The following PRKAR1B variants were observed in gnomAD, a reference collection of about 807,000 sequenced individuals.
PRKAR1B encodes the protein cAMP-dependent protein kinase type I-beta regulatory subunit.
Under a neutral mutation model 46.5 loss-of-function variants are expected in PRKAR1B, and 22 were observed. The ratio of observed to expected loss-of-function variants is 0.47; its 90% CI spans 0.34 to 0.68. The LOEUF (loss-of-function observed/expected upper bound fraction) is 0.68. PRKAR1B is among the 30% of genes least tolerant of loss of function. PRKAR1B has a pLI of 0.01. For missense variants in PRKAR1B, 445 were observed against 535.6 expected (o/e 0.83, Z 1.67); for synonymous variants, 259 against 217.7 (o/e 1.19, Z -1.67).
At chr7:638,802 C>A (rs193263172) in intron 4 of PRKAR1B, among the ~76,000 whole-genome samples, 1 of 152,180 alleles carries the variant, frequency 6.6e-6, no homozygotes, top group Non-Finnish European at 1.5e-5. Context: ...TGCGGCCGGG[C>A]GCGGGGGCTC....
intron 4 of PRKAR1B, among the ~76,000 whole-genome samples, chr7:642,687 C>T (rs1300583626): frequency 2.7e-5 from 4 of 150,726 alleles, no homozygotes; most frequent in Non-Finnish European, 4.4e-5. Context: ...GAGCCGAGAT[C>T]CCGCCACTGC....
intron 8 of PRKAR1B, among the ~76,000 whole-genome samples, chr7:580,344 A>C (rs1338342591): frequency 1.3e-5 from 2 of 151,810 alleles, no homozygotes; most frequent in Non-Finnish European, 2.9e-5. Flanking sequence ...GCCTGAGCTC[A>C]GGAGTTCGAG....
At chr7:697,040 AG>A (rs1222474825) in intron 2 of PRKAR1B, 2 of 152,204 alleles carry the variant, frequency 1.3e-5, no homozygotes, top group Admixed American at 1.3e-4. Context: ...TCTGAGCTGC[AG>A]GACGGTCGAG....
At chr7:583,665 C>T (rs1471873693) in intron 8 of PRKAR1B, among the ~76,000 whole-genome samples, 1 of 146,354 alleles carries the variant, frequency 6.8e-6, no homozygotes, top group Admixed American at 6.7e-5. Context: ...CATGCGCACA[C>T]ACCCACACAC....
chr7:645,936 A>G (rs1192995851), intron 4 of PRKAR1B, among the ~76,000 whole-genome samples: 2 of 152,188 alleles, frequency 1.3e-5, no homozygotes, highest in Non-Finnish European at 2.9e-5. Flanking sequence ...GGTACCCGGA[A>G]AGGGCAGGAG....
chr7:550,820 G>A (rs1339394578), intron 10 of PRKAR1B, among the ~76,000 whole-genome samples: 3 of 152,328 alleles, frequency 2.0e-5, no homozygotes, highest in African/African-American at 4.8e-5. Context: ...TTCACGTTCA[G>A]CTAGCCATTG....
intron 1 of PRKAR1B, among the ~76,000 whole-genome samples, chr7:719,336 G>A (rs566347506): frequency 1.4e-4 from 22 of 151,792 alleles, no homozygotes; most frequent in East Asian, 5.8e-4. Context: ...CATTGTGCCC[G>A]GCCATAATTT....
intron 9 of PRKAR1B, among the ~76,000 whole-genome samples, chr7:574,282 C>T (rs951857986): frequency 8.5e-5 from 13 of 152,244 alleles, no homozygotes; most frequent in Admixed American, 1.3e-4. Context: ...CCTGCAGAGA[C>T]GGCTGAGAAG....
intron 8 of PRKAR1B, 31 bp downstream of exon 8, chr7:584,477 C>T (rs947903571): frequency 6.2e-7 from 1 of 1,607,000 alleles, no homozygotes; most frequent in Non-Finnish European, 8.5e-7. Context: ...GATGTCGGGA[C>T]ACACAGCCGT....
chr7:695,923 C>G (rs1210729828), intron 2 of PRKAR1B, among the ~76,000 whole-genome samples: 1 of 150,806 alleles, frequency 6.6e-6, no homozygotes, highest in East Asian at 1.9e-4. Flanking sequence ...CTTGGCCTCC[C>G]AAAGTGCTGG....
At chr7:592,876 C>T (rs1430310575) in intron 7 of PRKAR1B, among the ~76,000 whole-genome samples, 1 of 152,176 alleles carries the variant, frequency 6.6e-6, no homozygotes, top group East Asian at 1.9e-4. Flanking sequence ...CTACAAAAAA[C>T]AATTTTTTAA....
intron 9 of PRKAR1B, among the ~76,000 whole-genome samples, chr7:568,476 C>G (rs961575466): frequency 6.6e-6 from 1 of 152,240 alleles, no homozygotes; most frequent in South Asian, 2.1e-4. Context: ...TGTTCACCAC[C>G]TGGAGCTGGC....
Position 582,407 on chromosome 7 carries a change from G to A in PRKAR1B, c.769+2101C>T, listed in dbSNP as rs143065794. Among the ~76,000 whole-genome samples, 29 of 152,376 alleles carry A rather than the reference G, an allele frequency of 1.9e-4. No homozygotes were observed. In the East Asian group the frequency reaches 5.6e-3, roughly 29 times the overall value. ...CATCCCTCCGGCCAAGCTGCCTGCG[G>A]AGACACCGCCCCGCCAGCCACTTTT... is the stretch of plus-strand genomic sequence containing the variant. On this transcript the variant is annotated intron_variant, in intron 8 of 10. Transcript: ENST00000537384.
chr7:570,349 C>T (rs1779427113), intron 9 of PRKAR1B, among the ~76,000 whole-genome samples: 1 of 152,216 alleles, frequency 6.6e-6, no homozygotes, highest in Admixed American at 6.5e-5. Flanking sequence ...TATAAAGCGA[C>T]TTTCATACCC....
rs137981433 is a variant in PRKAR1B at position 593,164 on chromosome 7, G to A, written c.708+2982C>T. 0.012 allele frequency among the ~76,000 whole-genome samples: 1,795 copies of A among 152,342 alleles called. 13 individuals carry two copies. Among genetic ancestry groups the A allele is most frequent in the Non-Finnish European group, 0.017 (1,153 of 68,026 alleles). On this transcript the variant is annotated intron_variant, in intron 7 of 10. Coordinates refer to ENST00000537384, the MANE Select transcript of PRKAR1B (RefSeq NM_001164760.2). The surrounding 1 kb of genome is among the most constrained non-coding windows in gnomAD (Gnocchi z 6.1). The stretch of plus-strand genomic sequence containing the variant: ...TCCTTCCTCGGATAAAACGTGAAGC[G>A]GTGGAGGAAAGAGACGGGCATCAGG...
At chr7:710,454 A>G (rs1780558834) in intron 2 of PRKAR1B, among the ~76,000 whole-genome samples, 1 of 152,022 alleles carries the variant, frequency 6.6e-6, no homozygotes, top group Non-Finnish European at 1.5e-5. Context: ...CTACGAAAAG[A>G]GCCCAGATGC....
At position 560,224 on chromosome 7, in the gene PRKAR1B, G is replaced by C. The variant is rs775661659; in HGVS notation, c.892-8754C>G. Among the ~76,000 whole-genome samples, 11 of 152,020 alleles carry C rather than the reference G, an allele frequency of 7.2e-5. No individual in the cohort carries two copies. The highest frequency in any genetic ancestry group is 1.5e-4 in the Non-Finnish European group (10 of 68,016). On this transcript the variant is annotated intron_variant, in intron 9 of 10. Transcript: ENST00000537384. The surrounding 1 kb of genome is among the most constrained non-coding windows in gnomAD (Gnocchi z 4.2). ...TCTCTTTCCTGCTGCCCTGTGAAGA[G>C]GTACCTTCCACCATGATTGTAAGTT...
rs201104071 is a variant in PRKAR1B at position 561,274 on chromosome 7, G to GCA, written c.892-9806_892-9805dup. Among the ~76,000 whole-genome samples the GCA allele has an allele frequency of 3.2e-3, 487 of 150,220 alleles. 2 individuals carry two copies. The highest frequency in any genetic ancestry group is 5.9e-3 in the Admixed American group (89 of 15,100). On this transcript the variant is annotated intron_variant, in intron 9 of 10. Transcript: ENST00000537384. ...CAAACACACAGGCACACACGCCTGT[G>GCA]CACACACACACACACACATCCACAG...
intron 1 of PRKAR1B, among the ~76,000 whole-genome samples, chr7:723,155 TG>T (rs1237277215): frequency 6.6e-6 from 1 of 152,186 alleles, no homozygotes; most frequent in African/African-American, 2.4e-5. Flanking sequence ...CAGGCTCCTC[TG>T]ACACTACCTG....
Sources: allele counts gnomAD v4.1 joint callset (sites outside exome capture counted in the v4.1 genomes callset), GRCh38; gene constraint gnomAD v4.1.1; non-coding constraint Gnocchi (gnomAD v3.1); transcripts MANE v1.5; gene names NCBI Gene and HGNC (gene_info 2026-07-23, HGNC 2026-07-21).